The following RIMS2 variants were observed in gnomAD, a reference collection of about 807,000 sequenced individuals.
RIMS2 encodes regulating synaptic membrane exocytosis protein 2.
RIMS2 carries 59 observed loss-of-function variants against 174.4 expected under a neutral mutation model. That is an observed-to-expected ratio of 0.34 (90% CI 0.27 to 0.42). The LOEUF (loss-of-function observed/expected upper bound fraction) is 0.42, where lower values mean the gene tolerates loss of function less well. Ranked by LOEUF, RIMS2 falls within the 10% of genes least tolerant of loss-of-function variation. RIMS2 has a pLI of 1.00. For missense variants in RIMS2, 1,620 were observed against 1,666.3 expected, an observed-to-expected ratio of 0.97 and a Z score of 0.48; for synonymous variants, 606 against 572.5, an observed-to-expected ratio of 1.06 and a Z score of -0.84.
chr8:103,693,572 C>G (rs1022080603), intron 1 of RIMS2, among the ~76,000 whole-genome samples: 1 of 152,170 alleles, frequency 6.6e-6, no homozygotes, highest in Non-Finnish European at 1.5e-5. Context: ...GAAGTAGGGA[C>G]TTATTCCAGT....
At chr8:104,090,111 C>A (rs1279362569) in intron 19 of RIMS2, among the ~76,000 whole-genome samples, 1 of 151,314 alleles carries the variant, frequency 6.6e-6, no homozygotes, top group East Asian at 1.9e-4. Flanking sequence ...GACAAGAGGT[C>A]ATGTGTGATG....
chr8:104,155,580 A>G (rs948320972), intron 19 of RIMS2, among the ~76,000 whole-genome samples: 12 of 149,564 alleles, frequency 8.0e-5, no homozygotes, highest in Non-Finnish European at 4.4e-5. Context: ...TGCCCGGCTA[A>G]TTTTTTGTAT....
At chr8:103,689,135 T>C (rs1458508664) in intron 1 of RIMS2, among the ~76,000 whole-genome samples, 1 of 152,148 alleles carries the variant, frequency 6.6e-6, no homozygotes, top group African/African-American at 2.4e-5. Context: ...AGCATATTGT[T>C]TAACTTCCAT....
intron 3 of RIMS2, among the ~76,000 whole-genome samples, chr8:103,805,094 C>T (rs1303186606): frequency 1.3e-5 from 2 of 151,792 alleles, no homozygotes; most frequent in African/African-American, 4.8e-5. Context: ...CACCCAGCCT[C>T]ATTTAAAAAA....
chr8:103,612,291 C>T (rs1051848235), intron 1 of RIMS2, among the ~76,000 whole-genome samples: 2 of 152,032 alleles, frequency 1.3e-5, no homozygotes, highest in Non-Finnish European at 2.9e-5. Context: ...GGCCCTGGTG[C>T]CTTATTTAGC....
At chr8:103,593,255 A>G (rs1563923401) in intron 1 of RIMS2, among the ~76,000 whole-genome samples, 1 of 151,414 alleles carries the variant, frequency 6.6e-6, no homozygotes, top group Non-Finnish European at 1.5e-5. Flanking sequence ...TAATGATATG[A>G]TTTTTGGATA....
intron 19 of RIMS2, among the ~76,000 whole-genome samples, chr8:104,128,965 T>C (rs2098452868): frequency 6.6e-6 from 1 of 152,190 alleles, no homozygotes; most frequent in Non-Finnish European, 1.5e-5. Context: ...CTGAATGTTA[T>C]TCTAGACTAG....
chr8:104,175,918 C>T (rs1355037763), intron 19 of RIMS2, among the ~76,000 whole-genome samples: 1 of 152,094 alleles, frequency 6.6e-6, no homozygotes, highest in East Asian at 1.9e-4. Context: ...CTGAAAAGAA[C>T]TGAGACAAGC....
chr8:103,605,752 T>G (rs1396525168), intron 1 of RIMS2, among the ~76,000 whole-genome samples: 1 of 152,178 alleles, frequency 6.6e-6, no homozygotes, highest in East Asian at 1.9e-4. Context: ...TCGAGGAATT[T>G]ATCCATTTCT....
chr8:103,803,139 T>C (rs2098626052), intron 3 of RIMS2, among the ~76,000 whole-genome samples: 2 of 152,168 alleles, frequency 1.3e-5, no homozygotes, highest in Admixed American at 6.6e-5. Flanking sequence ...CATGGAATTC[T>C]CTGAAATACA....
At chr8:104,092,595 A>C (rs1224954603) in intron 19 of RIMS2, among the ~76,000 whole-genome samples, 1 of 151,694 alleles carries the variant, frequency 6.6e-6, no homozygotes, top group Non-Finnish European at 1.5e-5. Context: ...AAAAGATATT[A>C]TTATCCATTT....
intron 17 of RIMS2, among the ~76,000 whole-genome samples, chr8:103,997,123 A>G (rs2095151686): frequency 6.6e-6 from 1 of 151,864 alleles, no homozygotes; most frequent in African/African-American, 2.4e-5. Flanking sequence ...CATGAAAGCA[A>G]ACTCTAGCAG....
At chr8:104,255,874 A>T (rs2099366799), downstream of RIMS2, 1 of 152,194 alleles carries the variant, frequency 6.6e-6, no homozygotes, top group Non-Finnish European at 1.5e-5. Flanking sequence ...ACAAACAACA[A>T]GTCTGTGCCA....
chr8:104,099,436 A>G (rs2097827764), intron 19 of RIMS2, among the ~76,000 whole-genome samples: 1 of 152,202 alleles, frequency 6.6e-6, no homozygotes, highest in South Asian at 2.1e-4. Flanking sequence ...TTATAAGCCC[A>G]AATAACTTCT....
intron 2 of RIMS2, among the ~76,000 whole-genome samples, chr8:103,700,015 A>G (rs1412722750): frequency 1.3e-5 from 2 of 152,152 alleles, no homozygotes; most frequent in African/African-American, 2.4e-5. Context: ...TTGGTAAACC[A>G]TGTGCACTTA....
chr8:104,189,582 TTATATATATATATATATTTATGTAAATA>T (rs2098986977), intron 19 of RIMS2, among the ~76,000 whole-genome samples: 2 of 145,220 alleles, frequency 1.4e-5, no homozygotes, highest in South Asian at 4.3e-4. Context: ...AATATATACA[TTATATATATATATATATTTATGTAAATA>T]TATATATATT....
intron 1 of RIMS2, among the ~76,000 whole-genome samples, chr8:103,594,402 A>T (rs2094402346): frequency 6.6e-6 from 1 of 151,662 alleles, no homozygotes; most frequent in Non-Finnish European, 1.5e-5. Context: ...GCTAATGGCT[A>T]TGAGTTCCTT....
chr8:104,218,069 A>G (rs1409233544), intron 19 of RIMS2, among the ~76,000 whole-genome samples: 1 of 152,224 alleles, frequency 6.6e-6, no homozygotes, highest in Non-Finnish European at 1.5e-5. Context: ...CTAATATCGT[A>G]TCTATCTTCA....
At chr8:103,661,755 T>G (rs2096603803) in intron 1 of RIMS2, among the ~76,000 whole-genome samples, 1 of 152,208 alleles carries the variant, frequency 6.6e-6, no homozygotes, top group African/African-American at 2.4e-5. Context: ...ATCTGCCCGC[T>G]TGGTCTCCCA....
Sources: gnomAD v4.1 joint callset for allele counts (sites outside exome capture counted in the v4.1 genomes callset) on GRCh38, gnomAD v4.1.1 for gene constraint, MANE v1.5 for transcripts, NCBI Gene and HGNC (gene_info 2026-07-23, HGNC 2026-07-21) for gene names.